Variants in RSF1 observed in about 807,000 individuals in gnomAD.
The protein encoded by RSF1 is remodeling and spacing factor 1.
In RSF1, 13 loss-of-function variants were observed where a neutral mutation model predicts 145.2. The observed-to-expected ratio is 0.09, with a 90% CI of 0.06 to 0.14. RSF1 has a LOEUF of 0.14. Among genes scored for constraint, RSF1 ranks in the 10% least tolerant of loss-of-function variants. The probability of loss-of-function intolerance (pLI) is 1.00; values close to 1 mark genes in which losing one functional copy is unlikely to be tolerated. For synonymous variants in RSF1, 577 were observed against 592.6 expected (o/e 0.97, Z 0.38); for missense variants, 1,517 against 1,718.2 (o/e 0.88, Z 2.07).
At chr11:77,783,377 C>T (rs1293150274) in intron 1 of RSF1, among the ~76,000 whole-genome samples, 1 of 152,140 alleles carries the variant, frequency 6.6e-6, no homozygotes, top group Admixed American at 6.5e-5. Flanking sequence ...ATCACTTTGT[C>T]TAGGTCCAAG....
intron 8 of RSF1, chr11:77,691,518 AT>A (rs989386849): frequency 2.6e-6 from 1 of 388,030 alleles, no homozygotes; most frequent in African/African-American, 2.0e-5. Flanking sequence ...TTAAAACAGC[AT>A]TTGGTTCAAC....
At chr11:77,711,745 C>G (rs189051824) in intron 5 of RSF1, among the ~76,000 whole-genome samples, 1 of 152,148 alleles carries the variant, frequency 6.6e-6, no homozygotes, top group Admixed American at 6.6e-5. Context: ...ACTTACGTAA[C>G]TAGAGTACAA....
intron 5 of RSF1, among the ~76,000 whole-genome samples, chr11:77,723,469 GA>G (rs1452860354): frequency 1.3e-5 from 2 of 151,130 alleles, no homozygotes; most frequent in Non-Finnish European, 3.0e-5. Flanking sequence ...TCTCAAAGGG[GA>G]AAAAAAAGGC....
At chr11:77,858,838 C>A in the RSF1 span, among the ~76,000 whole-genome samples, 2 of 152,236 alleles carry the variant, frequency 1.3e-5, no homozygotes, top group South Asian at 4.2e-4. Context: ...TCGGGGACTC[C>A]ATTTGAAGAA....
intron 11 of RSF1, 94 bp downstream of exon 11, chr11:77,683,616 T>C: frequency 2.7e-6 from 2 of 754,210 alleles, no homozygotes; most frequent in South Asian, 3.9e-5. Context: ...ACTGCAATAA[T>C]CAGCATGATA....
rs553552700 is a variant in RSF1, at chr11:77,741,048, T to C, written c.373-112A>G. 17 of 752,762 alleles carry C rather than the reference T, an allele frequency of 2.3e-5. No homozygotes were observed. The African/African-American group carries it at 2.8e-4, about 12-fold the overall frequency. The allele number at this position is 752,762 out of a possible 1,614,324, so 46.6% of individuals were successfully genotyped here. ...GGGAAAGCAGTGGACAGAACACAAA[T>C]ACTGTATTCCTTCTTTCACTATCCT... On this transcript the variant is annotated intron_variant, in intron 3 of 15. Coordinates refer to ENST00000308488, the MANE Select transcript of RSF1 (RefSeq NM_016578.4).
At chr11:77,790,982 T>C (rs1948511769) in intron 1 of RSF1, among the ~76,000 whole-genome samples, 1 of 152,194 alleles carries the variant, frequency 6.6e-6, no homozygotes, top group Non-Finnish European at 1.5e-5. Flanking sequence ...ATCTGGAGGA[T>C]GGTGGCCCTC....
the RSF1 span, among the ~76,000 whole-genome samples, chr11:77,843,404 G>A: frequency 6.6e-6 from 1 of 152,242 alleles, no homozygotes; most frequent in Non-Finnish European, 1.5e-5. Flanking sequence ...AGAAAGATGG[G>A]GGCAGGATGA....
chr11:77,788,715 A>C (rs900476720), intron 1 of RSF1, among the ~76,000 whole-genome samples: 1 of 152,300 alleles, frequency 6.6e-6, no homozygotes, highest in South Asian at 2.1e-4. Flanking sequence ...AAAAATTACA[A>C]AGCTAAAAAT....
intron 9 of RSF1, 190 bp downstream of exon 9, chr11:77,690,968 TC>T (rs1195020423): frequency 7.5e-6 from 4 of 534,978 alleles, no homozygotes; most frequent in African/African-American, 1.9e-5. Flanking sequence ...TTCTAGTTTT[TC>T]CCCCCAATCA....
chr11:77,764,737 TCTAAACATTTAAG>T, intron 1 of RSF1, 48 bp from the exon 2 acceptor site: 1 of 1,113,980 alleles, frequency 9.0e-7, no homozygotes, highest in South Asian at 1.3e-5. Flanking sequence ...ATAAAACAAT[TCTAAACATTTAAG>T]ATAATAAAAA....
intron 1 of RSF1, among the ~76,000 whole-genome samples, chr11:77,765,146 A>C (rs1046498486): frequency 3.3e-5 from 5 of 150,860 alleles, no homozygotes; most frequent in African/African-American, 7.3e-5. Context: ...AAAAAAAAAA[A>C]CCATCAAGTA....
At chr11:77,669,583 C>A (rs953808185) in intron 15 of RSF1, among the ~76,000 whole-genome samples, 1 of 152,200 alleles carries the variant, frequency 6.6e-6, no homozygotes, top group African/African-American at 2.4e-5. Flanking sequence ...AATAAAAATT[C>A]AGTTCCATGG....
chr11:77,800,981 G>A (rs1948620212), intron 1 of RSF1, among the ~76,000 whole-genome samples: 1 of 151,826 alleles, frequency 6.6e-6, no homozygotes, highest in South Asian at 2.1e-4. Flanking sequence ...CTCCAACCTG[G>A]GTAACAGAGC....
Position 77,782,257 on chromosome 11 carries a change from G to A in RSF1, c.188-17568C>T, listed in dbSNP as rs116182470. ...GATTAGGCCAGAAGTGGTGGCTCAC[G>A]AGGCCAGAAGTGGTGGCTCACGCCT... On this transcript the variant is annotated intron_variant, in intron 1 of 15. Transcript: ENST00000308488. Among the ~76,000 whole-genome samples the A allele has an allele frequency of 4.2e-3, 645 of 152,176 alleles. 4 individuals carry two copies. The highest frequency in any genetic ancestry group is 0.015 in the African/African-American group (617 of 41,524).
At chr11:77,695,771 A>G (rs1378931734) in intron 7 of RSF1, among the ~76,000 whole-genome samples, 1 of 152,058 alleles carries the variant, frequency 6.6e-6, no homozygotes, top group African/African-American at 2.4e-5. Context: ...ACTACTTTTA[A>G]TCTCTCTCAG....
In RSF1 at chr11:77,740,595, C is replaced by G. The variant is rs530266483; in HGVS notation, c.578+136G>C. Reference sequence around the variant, plus strand: ...CATACTATGGGTATTACGCTGGATACTAGGTGAGGCCTTGACAACTCCCAA... The same window carrying G: ...CATACTATGGGTATTACGCTGGATAGTAGGTGAGGCCTTGACAACTCCCAA... On this transcript the variant is annotated intron_variant, in intron 4 of 15. Coordinates refer to ENST00000308488, the MANE Select transcript of RSF1 (RefSeq NM_016578.4). 4.5e-4 allele frequency: 304 copies of G among 681,742 alleles called. 1 individual carries two copies. In the South Asian group the frequency reaches 5.2e-3, roughly 12 times the overall value. The allele number at this position is 681,742 out of a possible 1,614,324, so 42.2% of individuals were successfully genotyped here. A position where few individuals can be genotyped will look rare whatever the true frequency, so the allele number is the denominator to read the frequency against.
At chr11:77,720,013 G>C (rs1024301933) in intron 5 of RSF1, among the ~76,000 whole-genome samples, 13 of 152,310 alleles carry the variant, frequency 8.5e-5, no homozygotes, top group Admixed American at 3.9e-4. Context: ...AGTGGGTACA[G>C]AGTTTCTTTG....
chr11:77,810,400 CA>C (rs1000810097), intron 1 of RSF1, among the ~76,000 whole-genome samples: 1 of 152,096 alleles, frequency 6.6e-6, no homozygotes, highest in African/African-American at 2.4e-5. Flanking sequence ...ACCTTGTTAA[CA>C]AAAAAGCTTT....
Sources: gnomAD v4.1 joint callset for allele counts (sites outside exome capture counted in the v4.1 genomes callset) on GRCh38, gnomAD v4.1.1 for gene constraint, MANE v1.5 for transcripts, NCBI Gene and HGNC (gene_info 2026-07-23, HGNC 2026-07-21) for gene names.